The following RAB38 variants were observed in gnomAD, a reference collection of about 807,000 sequenced individuals.
RAB38 encodes ras-related protein Rab-38.
A neutral mutation model predicts 18.4 loss-of-function variants in RAB38; 15 were observed. That is an observed-to-expected ratio of 0.82 (90% CI 0.55 to 1.26). The LOEUF (loss-of-function observed/expected upper bound fraction) is 1.26, where lower values mean the gene tolerates loss of function less well. Ranked by LOEUF, RAB38 falls within the 50% of genes most tolerant of loss-of-function variation. The pLI is 0.00. For missense variants in RAB38, 294 were observed against 267.4 expected (o/e 1.10, Z -0.69); for synonymous variants, 101 against 104.4 (o/e 0.97, Z 0.20).
the RAB38 span, among the ~76,000 whole-genome samples, chr11:88,063,725 G>T: frequency 1.3e-5 from 2 of 152,044 alleles, no homozygotes; most frequent in Non-Finnish European, 2.9e-5. Flanking sequence ...GAGGTTTATT[G>T]GTTTTAAAAA....
At chr11:87,977,744 CTA>C in the RAB38 span, among the ~76,000 whole-genome samples, 1 of 9,236 alleles carries the variant, frequency 1.1e-4, no homozygotes, top group Non-Finnish European at 1.7e-4. Flanking sequence ...GTTATATATT[CTA>C]TAATATATAT....
intron 2 of RAB38, among the ~76,000 whole-genome samples, chr11:88,146,588 A>G (rs1942989413): frequency 6.6e-6 from 1 of 152,194 alleles, no homozygotes; most frequent in African/African-American, 2.4e-5. Context: ...AAATGTTGTA[A>G]TACTATAGTC....
the RAB38 span, among the ~76,000 whole-genome samples, chr11:87,920,212 T>G: frequency 6.6e-6 from 1 of 151,976 alleles, no homozygotes; most frequent in African/African-American, 2.4e-5. Context: ...CTTCTTTTTC[T>G]GTTTCTCTAA....
At chr11:87,878,862 C>T in the RAB38 span, among the ~76,000 whole-genome samples, 9 of 151,664 alleles carry the variant, frequency 5.9e-5, no homozygotes, top group African/African-American at 2.2e-4. Context: ...TATCCTACCT[C>T]ATTATACCAT....
chr11:87,872,928 A>G, the RAB38 span, among the ~76,000 whole-genome samples: 1 of 151,624 alleles, frequency 6.6e-6, no homozygotes, highest in Non-Finnish European at 1.5e-5. Flanking sequence ...TTTATGTGTG[A>G]CTTGTGTATG....
At chr11:87,866,966 G>A in the RAB38 span, among the ~76,000 whole-genome samples, 3 of 151,770 alleles carry the variant, frequency 2.0e-5, no homozygotes, top group African/African-American at 7.2e-5. Flanking sequence ...TGAGAAACAT[G>A]CAAAATATTT....
chr11:87,897,011 T>A, the RAB38 span, among the ~76,000 whole-genome samples: 2 of 151,838 alleles, frequency 1.3e-5, no homozygotes, highest in East Asian at 3.9e-4. Context: ...CTTACTGATC[T>A]TTTTGCCTTT....
chr11:88,065,099 C>T, the RAB38 span, among the ~76,000 whole-genome samples: 2 of 152,146 alleles, frequency 1.3e-5, no homozygotes, highest in Admixed American at 6.5e-5. Flanking sequence ...CAGCATTTAA[C>T]AGGCTTGCAG....
chr11:88,111,117 C>T (rs775331674), downstream of RAB38, among the ~76,000 whole-genome samples: 5 of 152,196 alleles, frequency 3.3e-5, no homozygotes, highest in Non-Finnish European at 7.3e-5. Context: ...TTTCCCTTCC[C>T]TTGACCAAAC....
At chr11:88,073,036 C>T in the RAB38 span, among the ~76,000 whole-genome samples, 1 of 152,122 alleles carries the variant, frequency 6.6e-6, no homozygotes, top group Non-Finnish European at 1.5e-5. Context: ...CTGCTTGGCA[C>T]CAAACACAGA....
chr11:88,147,967 CA>C (rs1943012491), intron 2 of RAB38, among the ~76,000 whole-genome samples: 1 of 152,114 alleles, frequency 6.6e-6, no homozygotes, highest in African/African-American at 2.4e-5. Flanking sequence ...GTAACTTAAT[CA>C]TACCTTTCAG....
chr11:87,865,022 A>G, the RAB38 span, among the ~76,000 whole-genome samples: 1 of 151,778 alleles, frequency 6.6e-6, no homozygotes, highest in Non-Finnish European at 1.5e-5. Flanking sequence ...TGACAAAATG[A>G]GAGTCACTTA....
the RAB38 span, among the ~76,000 whole-genome samples, chr11:88,065,990 A>G: frequency 6.6e-6 from 1 of 152,244 alleles, no homozygotes; most frequent in Non-Finnish European, 1.5e-5. Context: ...CATTTAAGGC[A>G]GAAATAACCT....
chr11:88,105,498 G>C, the RAB38 span, among the ~76,000 whole-genome samples: 1 of 152,094 alleles, frequency 6.6e-6, no homozygotes, highest in Non-Finnish European at 1.5e-5. Flanking sequence ...CTTGTAACTA[G>C]GAAGTTAAAG....
chr11:88,031,232 A>G, the RAB38 span, among the ~76,000 whole-genome samples: 10 of 152,176 alleles, frequency 6.6e-5, no homozygotes, highest in Non-Finnish European at 1.2e-4. Flanking sequence ...CGTATCTCAA[A>G]ATAATAAGAG....
chr11:87,927,189 T>C, the RAB38 span, among the ~76,000 whole-genome samples: 1 of 152,050 alleles, frequency 6.6e-6, no homozygotes, highest in East Asian at 1.9e-4. Context: ...TTGCAGTGTT[T>C]TCAATGATCC....
chr11:88,139,541 C>G (rs917894534), intron 2 of RAB38, among the ~76,000 whole-genome samples: 6 of 152,104 alleles, frequency 3.9e-5, no homozygotes, highest in African/African-American at 1.2e-4. Context: ...TATCAGTGCC[C>G]CAGTGCTTAG....
the RAB38 span, among the ~76,000 whole-genome samples, chr11:87,937,545 G>A: frequency 1.3e-5 from 2 of 151,376 alleles, no homozygotes; most frequent in South Asian, 4.2e-4. Context: ...GAATTATCTA[G>A]TGCAACCATC....
chr11:87,869,756 A>G, the RAB38 span, among the ~76,000 whole-genome samples: 1 of 151,682 alleles, frequency 6.6e-6, no homozygotes, highest in Non-Finnish European at 1.5e-5. Flanking sequence ...CCATCTACAC[A>G]ACACAGCCCA....
Sources: gnomAD v4.1 joint callset for allele counts (sites outside exome capture counted in the v4.1 genomes callset) on GRCh38, gnomAD v4.1.1 for gene constraint, MANE v1.5 for transcripts, NCBI Gene and HGNC (gene_info 2026-07-23, HGNC 2026-07-21) for gene names.